Variants in TANK observed in about 807,000 individuals in gnomAD.
The protein encoded by TANK is TRAF family member associated NFKB activator.
In TANK, 15 loss-of-function variants were observed where a neutral mutation model predicts 43.6. The observed-to-expected ratio is 0.34, with a 90% CI of 0.23 to 0.53. The LOEUF (loss-of-function observed/expected upper bound fraction) is 0.53, where lower values mean the gene tolerates loss of function less well. Among genes scored for constraint, TANK ranks in the 20% least tolerant of loss-of-function variants. The pLI is 0.94. For missense variants in TANK, 417 were observed against 498.6 expected (o/e 0.84, Z 1.56); for synonymous variants, 162 against 178.2 (o/e 0.91, Z 0.73).
chr2:161,154,139 G>A (rs1684156742), intron 1 of TANK, among the ~76,000 whole-genome samples: 1 of 152,140 alleles, frequency 6.6e-6, no homozygotes, highest in African/African-American at 2.4e-5. Context: ...GGTAAAATAG[G>A]AGCCCACAGC....
chr2:161,200,235 G>A (rs1442790760), intron 2 of TANK: 3 of 363,450 alleles, frequency 8.3e-6, no homozygotes, highest in Non-Finnish European at 1.1e-5. Context: ...TTTTCAATGT[G>A]GTTGTTAGTG....
At position 161,207,334 on chromosome 2, in the gene TANK, C is replaced by A. The variant is rs180938914; in HGVS notation, c.327+2541C>A. The A allele has an allele frequency of 1.2e-4, 105 of 912,328 alleles. No homozygotes were observed. The East Asian group carries it at 2.6e-3, about 23-fold the overall frequency. 56.5% of individuals were successfully genotyped at this position (912,328 alleles called of 1,614,324 possible). A position where few individuals can be genotyped will look rare whatever the true frequency, so the allele number is the denominator to read the frequency against. On this transcript the variant is annotated intron_variant, in intron 4 of 7. Coordinates refer to ENST00000392749, the MANE Select transcript of TANK (RefSeq NM_001199135.3). ...GGAATAAACCTAACTTCAGCGAGTT[C>A]TCTTAATTATCTTTACTAATAGGGG... is the stretch of plus-strand genomic sequence containing the variant.
intron 2 of TANK, among the ~76,000 whole-genome samples, chr2:161,196,497 G>A (rs1056361168): frequency 2.6e-5 from 4 of 152,092 alleles, no homozygotes; most frequent in Non-Finnish European, 4.4e-5. Flanking sequence ...TTGTATTCAG[G>A]CAAGCCTAGA....
chr2:161,218,042 A>G (rs1181776953), intron 4 of TANK, among the ~76,000 whole-genome samples: 1 of 152,296 alleles, frequency 6.6e-6, no homozygotes, highest in South Asian at 2.1e-4. Flanking sequence ...AAATTTTGTC[A>G]AAGAAAATAC....
intron 1 of TANK, among the ~76,000 whole-genome samples, chr2:161,146,944 C>T (rs2105220625): frequency 6.6e-6 from 1 of 152,246 alleles, no homozygotes; most frequent in South Asian, 2.1e-4. Context: ...GTCTGCTGGT[C>T]CATGGAGACC....
At chr2:161,171,105 G>T (rs1366074616) in intron 1 of TANK, among the ~76,000 whole-genome samples, 1 of 152,148 alleles carries the variant, frequency 6.6e-6, no homozygotes, top group Non-Finnish European at 1.5e-5. Flanking sequence ...AGATTTACTA[G>T]GTCTGAATAT....
upstream of TANK, chr2:161,160,401 A>C (rs1684358287): frequency 8.1e-7 from 1 of 1,240,942 alleles, no homozygotes; most frequent in South Asian, 3.7e-5. Context: ...TCTGAACTGG[A>C]ACAAAATGCA....
chr2:161,206,284 A>G (rs1485363131), intron 4 of TANK, among the ~76,000 whole-genome samples: 1 of 152,150 alleles, frequency 6.6e-6, no homozygotes, highest in Non-Finnish European at 1.5e-5. Flanking sequence ...TTTTAATGAG[A>G]TGAGTTGGCT....
At chr2:161,234,689 A>G (rs1355803633) in intron 7 of TANK, among the ~76,000 whole-genome samples, 2 of 152,244 alleles carry the variant, frequency 1.3e-5, no homozygotes, top group Non-Finnish European at 1.5e-5. Context: ...TACCTATTAT[A>G]TAACAGAAGC....
At chr2:161,190,194 G>T (rs1031384965) in intron 2 of TANK, among the ~76,000 whole-genome samples, 1 of 152,106 alleles carries the variant, frequency 6.6e-6, no homozygotes, top group Non-Finnish European at 1.5e-5. Flanking sequence ...TTATACAGAT[G>T]GCCAATAAGC....
intron 5 of TANK, 64 bp downstream of exon 5, chr2:161,224,055 TG>T (rs921709462): frequency 9.0e-5 from 104 of 1,160,440 alleles, no homozygotes; most frequent in African/African-American, 9.4e-5. Flanking sequence ...ATTTTATATT[TG>T]TTTTTTTTAA....
chr2:161,168,808 C>T (rs1036365204), intron 1 of TANK, among the ~76,000 whole-genome samples: 2 of 151,956 alleles, frequency 1.3e-5, no homozygotes, highest in Admixed American at 6.6e-5. Context: ...ACTCCAGCCT[C>T]GAGCAACAGA....
intron 1 of TANK, among the ~76,000 whole-genome samples, chr2:161,146,509 T>A (rs1683914363): frequency 6.6e-6 from 1 of 152,220 alleles, no homozygotes; most frequent in African/African-American, 2.4e-5. Context: ...TGTGGGGAAT[T>A]TTTTTGTTGA....
chr2:161,196,116 T>C (rs997464637), intron 2 of TANK, among the ~76,000 whole-genome samples: 1 of 152,104 alleles, frequency 6.6e-6, no homozygotes, highest in African/African-American at 2.4e-5. Flanking sequence ...ATAAAATTGA[T>C]ACTTGGTAAT....
chr2:161,165,401 G>A (rs1408669027), intron 1 of TANK, among the ~76,000 whole-genome samples: 2 of 152,102 alleles, frequency 1.3e-5, no homozygotes, highest in African/African-American at 2.4e-5. Flanking sequence ...AACTGTTATT[G>A]TGAGAGATTT....
At chr2:161,186,307 A>G (rs1685663474) in intron 2 of TANK, among the ~76,000 whole-genome samples, 1 of 152,226 alleles carries the variant, frequency 6.6e-6, no homozygotes, top group Non-Finnish European at 1.5e-5. Context: ...TTTCTACCAC[A>G]TGGGCTTCCT....
chr2:161,226,195 T>C (rs1420505804), intron 6 of TANK, among the ~76,000 whole-genome samples: 3 of 152,192 alleles, frequency 2.0e-5, no homozygotes, highest in African/African-American at 7.2e-5. Context: ...CTTAATACTT[T>C]GACCATTTTT....
At chr2:161,154,343 G>A (rs1339856495) in intron 1 of TANK, among the ~76,000 whole-genome samples, 1 of 152,216 alleles carries the variant, frequency 6.6e-6, no homozygotes, top group African/African-American at 2.4e-5. Context: ...TCACCAGGAA[G>A]AAGCAGCAGG....
chr2:161,222,363 T>TAATA (rs1687389503), intron 4 of TANK, among the ~76,000 whole-genome samples: 1 of 152,072 alleles, frequency 6.6e-6, no homozygotes, highest in South Asian at 2.1e-4. Context: ...ATATAATCAC[T>TAATA]TATTTTATGA....
Sources: allele counts gnomAD v4.1 joint callset (sites outside exome capture counted in the v4.1 genomes callset), GRCh38; gene constraint gnomAD v4.1.1; transcripts MANE v1.5; gene names NCBI Gene and HGNC (gene_info 2026-07-23, HGNC 2026-07-21).